ULK4: variants seen among roughly 807,000 people sequenced by gnomAD.
ULK4 encodes the protein unc-51 like kinase 4, also known as inactive serine/threonine-protein kinase ULK4.
ULK4 carries 133 observed loss-of-function variants against 160.6 expected under a neutral mutation model. The observed-to-expected ratio is 0.83, with a 90% CI of 0.72 to 0.96. The LOEUF (loss-of-function observed/expected upper bound fraction) is 0.96. ULK4 is among the 40% of genes least tolerant of loss of function. The pLI is 0.00. For missense variants in ULK4, 1,580 were observed against 1,499.5 expected (o/e 1.05, Z -0.89); for synonymous variants, 534 against 539.8 (o/e 0.99, Z 0.15).
At chr3:41,366,573 A>ACACACACACACACACACACACACACT (rs4016417) in intron 35 of ULK4, among the ~76,000 whole-genome samples, 41 of 151,550 alleles carry the variant, frequency 2.7e-4, no homozygotes, top group African/African-American at 9.5e-4. Context: ...ACACACACAC[A>ACACACACACACACACACACACACACT]CTTTATCTAT....
intron 27 of ULK4, among the ~76,000 whole-genome samples, chr3:41,685,408 A>T (rs2036067970): frequency 6.6e-6 from 1 of 152,128 alleles, no homozygotes; most frequent in Non-Finnish European, 1.5e-5. Flanking sequence ...CAAAACCCAT[A>T]CCACTACCTC....
chr3:41,423,610 T>C (rs1386598), intron 34 of ULK4, among the ~76,000 whole-genome samples: 83,713 of 150,564 alleles, frequency 0.56, 23,908 homozygotes, highest in African/African-American at 0.72. Context: ...ATAGAAACAG[T>C]TGCAGTTGGA....
At chr3:41,524,115 G>C (rs1172182775) in intron 32 of ULK4, among the ~76,000 whole-genome samples, 1 of 152,192 alleles carries the variant, frequency 6.6e-6, no homozygotes. Flanking sequence ...TGTCTAGGCA[G>C]AGGTGATTTA....
chr3:41,592,668 C>T (rs1047579650), intron 31 of ULK4, among the ~76,000 whole-genome samples: 1 of 152,132 alleles, frequency 6.6e-6, no homozygotes, highest in African/African-American at 2.4e-5. Flanking sequence ...GCAAACCTAA[C>T]ACTTTAGTAC....
chr3:41,859,627 CCGCTT>C, intron 17 of ULK4: 1 of 478,898 alleles, frequency 2.1e-6, no homozygotes, highest in South Asian at 1.6e-5. Flanking sequence ...CTCTGCCCCA[CCGCTT>C]CATTTCCCAA....
At chr3:41,366,662 T>G (rs999741500) in intron 35 of ULK4, among the ~76,000 whole-genome samples, 2 of 152,168 alleles carry the variant, frequency 1.3e-5, no homozygotes, top group African/African-American at 4.8e-5. Context: ...ATGTCTACAA[T>G]TTTCTATGCC....
At chr3:41,959,264 C>T (rs994955935) in intron 1 of ULK4, among the ~76,000 whole-genome samples, 2 of 151,790 alleles carry the variant, frequency 1.3e-5, no homozygotes, top group East Asian at 3.9e-4. Context: ...ACTCGGGAGG[C>T]TGAGGCAGAG....
chr3:41,439,420 G>A (rs1400912261), intron 34 of ULK4, among the ~76,000 whole-genome samples: 4 of 152,070 alleles, frequency 2.6e-5, no homozygotes, highest in Non-Finnish European at 5.9e-5. Context: ...TGAAATGGAG[G>A]AAACCACCGA....
At chr3:41,772,339 G>A (rs1159116793) in intron 21 of ULK4, among the ~76,000 whole-genome samples, 2 of 151,826 alleles carry the variant, frequency 1.3e-5, no homozygotes, top group African/African-American at 2.4e-5. Context: ...TAATAAAGAA[G>A]AAAAGAGAGA....
intron 31 of ULK4, among the ~76,000 whole-genome samples, chr3:41,609,105 C>T (rs2032538387): frequency 6.6e-6 from 1 of 152,060 alleles, no homozygotes; most frequent in South Asian, 2.1e-4. Context: ...TAATATGTAA[C>T]CTGTACCTGG....
chr3:41,339,486 T>C (rs959100302), intron 35 of ULK4, among the ~76,000 whole-genome samples: 3 of 152,218 alleles, frequency 2.0e-5, no homozygotes, highest in Admixed American at 6.5e-5. Context: ...AGGCTCCTAC[T>C]GTGCTCCGTT....
chr3:41,464,571 T>C (rs2083779608), intron 32 of ULK4, among the ~76,000 whole-genome samples: 1 of 152,182 alleles, frequency 6.6e-6, no homozygotes, highest in Admixed American at 6.5e-5. Flanking sequence ...CCAGGCATTC[T>C]CCTTAGAGTT....
At position 41,835,981 on chromosome 3, in the gene ULK4, C is replaced by T; in HGVS notation, c.1657-10G>A. The T allele has an allele frequency of 8.5e-7, 1 of 1,178,676 alleles. No homozygotes were observed. The highest frequency in any genetic ancestry group is 1.2e-6 in the Non-Finnish European group (1 of 844,970). 73.0% of individuals were successfully genotyped at this position (1,178,676 alleles called of 1,614,324 possible). On this transcript the variant is annotated splice_polypyrimidine_tract_variant and intron_variant, in intron 17 of 36. Coordinates refer to ENST00000301831, the MANE Select transcript of ULK4 (RefSeq NM_017886.4). ...TTAAGAGAACAATTGCCTGCAAAGA[C>T]AAAAAAAAAAAAAGTAAATTATTTC...
At chr3:41,456,424 T>C (rs1378234951) in intron 33 of ULK4, among the ~76,000 whole-genome samples, 1 of 152,220 alleles carries the variant, frequency 6.6e-6, no homozygotes, top group African/African-American at 2.4e-5. Context: ...TCCTTCTCTA[T>C]ATGCATACAT....
Position 41,717,835 on chromosome 3 carries a change from C to T in ULK4, c.2348G>A (p.Ser783Asn), listed in dbSNP as rs1248360688. The T allele has an allele frequency of 3.1e-6, 5 of 1,614,094 alleles. No homozygotes were observed. Among genetic ancestry groups the T allele is most frequent in the South Asian group, 2.2e-5 (2 of 91,070 alleles). Residue 783 changes from serine to asparagine, a missense_variant, in exon 23 of 37, where the codon AGC becomes AAC. Physicochemically the swap from Ser to Asn is conservative, Grantham distance 46. Coordinates refer to ENST00000301831, the MANE Select transcript of ULK4 (RefSeq NM_017886.4). The stretch of plus-strand genomic sequence containing the variant: ...CTCCTTGCCTGGAGTGGTCTTTCTG[C>T]TGTCTCTCTCGATGTACATCACCAG... ...ARLVMYIERD[S>N]RKTTPGKEQQ... is the part of the protein sequence containing the mutation.
chr3:41,610,848 T>G (rs1042056411), intron 31 of ULK4, among the ~76,000 whole-genome samples: 21 of 152,220 alleles, frequency 1.4e-4, no homozygotes, highest in African/African-American at 5.1e-4. Context: ...TGAATATTTT[T>G]TTCCAATAAA....
chr3:41,914,360 C>T (rs1160379348), intron 8 of ULK4, among the ~76,000 whole-genome samples: 2 of 152,098 alleles, frequency 1.3e-5, no homozygotes, highest in Non-Finnish European at 2.9e-5. Context: ...ATAAAAATAG[C>T]CAACAAAGTA....
chr3:41,371,029 G>A (rs1451496251), intron 35 of ULK4, among the ~76,000 whole-genome samples: 1 of 152,176 alleles, frequency 6.6e-6, no homozygotes, highest in Non-Finnish European at 1.5e-5. Context: ...AAGCTGCCTG[G>A]AAGTTTGAAC....
At position 41,723,892 on chromosome 3, in the gene ULK4, T is replaced by C. The variant is rs191675274; in HGVS notation, c.2322-6031A>G. ...CCTTCCGAGCATGTGACTGGAACAC[T>C]CTGCATGTGCTCTTCTTTGGCAAAA... On this transcript the variant is annotated intron_variant, in intron 22 of 36. Transcript: ENST00000301831. 6.6e-5 allele frequency among the ~76,000 whole-genome samples: 10 copies of C among 152,158 alleles called. No individual in the cohort carries two copies. The East Asian group carries it at 1.8e-3, about 27-fold the overall frequency.
Sources: gnomAD v4.1 joint callset for allele counts (sites outside exome capture counted in the v4.1 genomes callset) on GRCh38, gnomAD v4.1.1 for gene constraint, MANE v1.5 for transcripts, NCBI Gene and HGNC (gene_info 2026-07-23, HGNC 2026-07-21) for gene names.